The following KCNH1 variants were observed in gnomAD, a reference collection of about 807,000 sequenced individuals.
The protein encoded by KCNH1 is voltage-gated delayed rectifier potassium channel KCNH1.
Under a neutral mutation model 69.2 loss-of-function variants are expected in KCNH1, and 27 were observed. The observed-to-expected ratio is 0.39, with a 90% CI of 0.29 to 0.54. The LOEUF is 0.54. Among genes scored for constraint, KCNH1 ranks in the 20% least tolerant of loss-of-function variants. The pLI is 0.68. For missense variants in KCNH1, 798 were observed against 1,261.6 expected, an observed-to-expected ratio of 0.63 and a Z score of 5.57; for synonymous variants, 456 against 487.7, an observed-to-expected ratio of 0.93 and a Z score of 0.86.
At chr1:211,104,389 A>T (rs1691317797) in intron 2 of KCNH1, among the ~76,000 whole-genome samples, 2 of 152,088 alleles carry the variant, frequency 1.3e-5, no homozygotes, top group Admixed American at 1.3e-4. Context: ...GCAAAAAAAA[A>T]ATTCATTTAT....
intron 7 of KCNH1, among the ~76,000 whole-genome samples, chr1:210,898,501 C>T (rs1686919248): frequency 6.6e-6 from 1 of 152,124 alleles, no homozygotes; most frequent in South Asian, 2.1e-4. Flanking sequence ...CTTTAGACAC[C>T]TCAGGGATTC....
intron 10 of KCNH1, among the ~76,000 whole-genome samples, chr1:210,686,790 CT>C (rs1278614230): frequency 6.6e-6 from 1 of 152,204 alleles, no homozygotes; most frequent in Non-Finnish European, 1.5e-5. Context: ...TCTTATCCCC[CT>C]AAAAGGTCCC....
intron 5 of KCNH1, among the ~76,000 whole-genome samples, chr1:211,079,946 T>G (rs986446846): frequency 1.3e-5 from 2 of 152,148 alleles, no homozygotes; most frequent in Non-Finnish European, 2.9e-5. Flanking sequence ...CTATTCAACA[T>G]AGTGTTGGAA....
At chr1:210,802,882 C>A (rs939259771) in intron 8 of KCNH1, among the ~76,000 whole-genome samples, 1 of 151,990 alleles carries the variant, frequency 6.6e-6, no homozygotes, top group Non-Finnish European at 1.5e-5. Flanking sequence ...TGTAACAAAC[C>A]TGCATGTTCT....
chr1:210,969,468 A>T (rs1361411090), intron 6 of KCNH1, among the ~76,000 whole-genome samples: 2 of 152,122 alleles, frequency 1.3e-5, no homozygotes, highest in African/African-American at 4.8e-5. Flanking sequence ...AATTATTAAC[A>T]ATTATAGGGC....
chr1:210,882,778 C>T (rs1015441525), intron 7 of KCNH1, among the ~76,000 whole-genome samples: 2 of 152,090 alleles, frequency 1.3e-5, no homozygotes, highest in African/African-American at 4.8e-5. Flanking sequence ...TGAGGTGTTT[C>T]TCTTTGTTTG....
At chr1:210,799,663 T>C (rs4951615) in intron 8 of KCNH1, among the ~76,000 whole-genome samples, 27,102 of 152,228 alleles carry the variant, frequency 0.18, 2,494 homozygotes, top group Non-Finnish European at 0.2. Context: ...TCCTAGCTTA[T>C]GAGCAAAGCT....
intron 6 of KCNH1, among the ~76,000 whole-genome samples, chr1:211,014,891 A>G (rs1162383603): frequency 6.6e-6 from 1 of 152,334 alleles, no homozygotes; most frequent in East Asian, 1.9e-4. Flanking sequence ...AAGACAGCAT[A>G]TGGTGAATAG....
intron 9 of KCNH1, among the ~76,000 whole-genome samples, chr1:210,797,207 G>C (rs1684332495): frequency 6.6e-6 from 1 of 152,058 alleles, no homozygotes; most frequent in African/African-American, 2.4e-5. Flanking sequence ...TTGAATACTG[G>C]GTTAGATGTG....
At chr1:210,758,475 C>T (rs947276614) in intron 10 of KCNH1, among the ~76,000 whole-genome samples, 12 of 152,198 alleles carry the variant, frequency 7.9e-5, no homozygotes, top group African/African-American at 2.2e-4. Context: ...CCCCAGCCTG[C>T]TCCCTTGGTC....
At chr1:211,113,336 C>A (rs542287699) in intron 1 of KCNH1, among the ~76,000 whole-genome samples, 1 of 152,190 alleles carries the variant, frequency 6.6e-6, no homozygotes, top group East Asian at 1.9e-4. Context: ...CTATGAATAC[C>A]GTTATTGTAG....
Position 211,103,596 on chromosome 1 carries a change from C to T in KCNH1, c.210G>A (p.Met70Ile). Residue 70 changes from methionine to isoleucine, a missense_variant, in exon 3 of 11, where the codon ATG becomes ATA. Physicochemically the swap from Met to Ile is conservative, Grantham distance 10. This residue lies in a region of KCNH1 where 266 missense variants were observed against 457.2 expected (regional missense o/e 0.58). Transcript: ENST00000271751. ...TGTCTTTATCAGTCAGCTCCCCATA[C>T]ATAAAACTGCAAACAACCAAAGAAC... ...VMQKSSTCSF[M>I]YGELTDKDTI... 3.7e-6 allele frequency: 6 copies of T among 1,603,686 alleles called. No homozygotes were observed. The highest frequency in any genetic ancestry group is 4.3e-6 in the Non-Finnish European group (5 of 1,174,088).
At chr1:211,011,198 A>G (rs1229821825) in intron 6 of KCNH1, among the ~76,000 whole-genome samples, 3 of 151,544 alleles carry the variant, frequency 2.0e-5, no homozygotes, top group Admixed American at 6.6e-5. Flanking sequence ...TCATTGTTCA[A>G]CTCCCACTTA....
intron 6 of KCNH1, among the ~76,000 whole-genome samples, chr1:211,009,336 AAAC>A (rs1260425052): frequency 2.0e-5 from 3 of 152,344 alleles, no homozygotes; most frequent in East Asian, 1.9e-4. Context: ...GAAAAAGCAG[AAAC>A]AACAAGTACA....
intron 5 of KCNH1, among the ~76,000 whole-genome samples, chr1:211,045,789 T>C (rs149752999): frequency 6.6e-6 from 1 of 152,336 alleles, no homozygotes; most frequent in African/African-American, 2.4e-5. Flanking sequence ...CTAGGACTTA[T>C]GTATCTTGTA....
intron 7 of KCNH1, among the ~76,000 whole-genome samples, chr1:210,897,640 AT>A (rs1686899498): frequency 1.3e-5 from 2 of 152,142 alleles, no homozygotes. Flanking sequence ...TTGGATTTGT[AT>A]TGCTCTTGCT....
Position 210,719,460 on chromosome 1 carries a change from C to T in KCNH1, c.2113-35322G>A, listed in dbSNP as rs1324823730. Among the ~76,000 whole-genome samples the T allele has an allele frequency of 3.9e-5, 6 of 152,260 alleles. No homozygotes were observed. In the South Asian group the frequency reaches 1.0e-3, roughly 26 times the overall value. ...TAACACAGGAACAGAAAACCAAACA[C>T]CACATGTTCTCACTCATAAGTGGGA... On this transcript the variant is annotated intron_variant, in intron 10 of 10. Transcript: ENST00000271751.
chr1:210,753,924 T>C (rs1029486736), intron 10 of KCNH1, among the ~76,000 whole-genome samples: 20 of 151,706 alleles, frequency 1.3e-4, no homozygotes, highest in African/African-American at 4.6e-4. Context: ...TTTTTTTTTT[T>C]TTCTTTTTGA....
chr1:211,079,241 C>A (rs575310997), intron 5 of KCNH1, among the ~76,000 whole-genome samples: 175 of 152,296 alleles, frequency 1.1e-3, no homozygotes, highest in African/African-American at 3.9e-3. Flanking sequence ...TTCCTGGACA[C>A]ATATGCCCTC....
Sources: gnomAD v4.1 joint callset for allele counts (sites outside exome capture counted in the v4.1 genomes callset) on GRCh38, gnomAD v4.1.1 for gene constraint, gnomAD v4.1.1 regional missense constraint, MANE v1.5 for transcripts, NCBI Gene and HGNC (gene_info 2026-07-23, HGNC 2026-07-21) for gene names.